KCNQ3: variants seen among roughly 807,000 people sequenced by gnomAD.
KCNQ3 encodes potassium voltage-gated channel subfamily Q member 3.
KCNQ3 carries 30 observed loss-of-function variants against 92.5 expected under a neutral mutation model. The ratio of observed to expected loss-of-function variants is 0.32; its 90% CI spans 0.24 to 0.44. KCNQ3 has a LOEUF of 0.44. KCNQ3 is among the 20% of genes least tolerant of loss of function. The pLI is 1.00. For missense variants in KCNQ3, 913 were observed against 1,140.3 expected, an observed-to-expected ratio of 0.80 and a Z score of 2.87; for synonymous variants, 450 against 468.8, an observed-to-expected ratio of 0.96 and a Z score of 0.52.
chr8:132,336,034 G>A (rs952737211), intron 1 of KCNQ3, among the ~76,000 whole-genome samples: 1 of 152,142 alleles, frequency 6.6e-6, no homozygotes, highest in Non-Finnish European at 1.5e-5. Flanking sequence ...AGTGTAGAAG[G>A]GAGCTGAGCT....
intron 10 of KCNQ3, 47 bp from the exon 11 acceptor site, chr8:132,140,225 A>G: frequency 7.0e-7 from 1 of 1,420,446 alleles, no homozygotes; most frequent in Non-Finnish European, 9.9e-7. Flanking sequence ...GACCTGGAAA[A>G]GGCTTGGGGA....
rs373494626 is a variant in KCNQ3 at position 132,283,801 on chromosome 8, A to G, written c.387-97620T>C. On this transcript the variant is annotated intron_variant, in intron 1 of 14. Coordinates refer to ENST00000388996, the MANE Select transcript of KCNQ3 (RefSeq NM_004519.4). ...AAAATAAAAGCTGGGAATTTCTGAC[A>G]TCATCTTTCATAAACTGGTTCCTGA... Among the ~76,000 whole-genome samples the G allele has an allele frequency of 5.3e-5, 8 of 152,276 alleles. No individual in the cohort carries two copies. In the East Asian group the frequency reaches 9.6e-4, roughly 18 times the overall value.
At chr8:132,319,901 A>C (rs1042572294) in intron 1 of KCNQ3, among the ~76,000 whole-genome samples, 3 of 152,226 alleles carry the variant, frequency 2.0e-5, no homozygotes, top group African/African-American at 7.2e-5. Context: ...ACCTCAATCT[A>C]ACCTTCTCAG....
chr8:132,421,058 G>A (rs2130810569), intron 1 of KCNQ3, among the ~76,000 whole-genome samples: 1 of 152,296 alleles, frequency 6.6e-6, no homozygotes, highest in East Asian at 1.9e-4. Context: ...AGGGGATGTG[G>A]GGCAGAGGTG....
intron 1 of KCNQ3, among the ~76,000 whole-genome samples, chr8:132,280,731 A>G (rs1308370444): frequency 6.6e-6 from 1 of 152,224 alleles, no homozygotes; most frequent in Non-Finnish European, 1.5e-5. Context: ...AGCATATTCC[A>G]GGCAGAGGGA....
chr8:132,419,501 G>A (rs1387950303), intron 1 of KCNQ3, among the ~76,000 whole-genome samples: 1 of 152,178 alleles, frequency 6.6e-6, no homozygotes, highest in Non-Finnish European at 1.5e-5. Flanking sequence ...CCTGAGACCA[G>A]ACAGAGCCTT....
At chr8:132,221,213 C>T (rs1814220140) in intron 1 of KCNQ3, among the ~76,000 whole-genome samples, 1 of 152,154 alleles carries the variant, frequency 6.6e-6, no homozygotes, top group Admixed American at 6.5e-5. Flanking sequence ...ATCCAGTCTA[C>T]CATTGATGGA....
intron 1 of KCNQ3, among the ~76,000 whole-genome samples, chr8:132,421,427 C>T (rs6990740): frequency 0.014 from 2,115 of 152,198 alleles, 38 homozygotes; most frequent in African/African-American, 0.049. Flanking sequence ...ACAGGTGACA[C>T]GAGGTGCTGG....
Position 132,354,843 on chromosome 8 carries a change from A to G in KCNQ3, c.386+125304T>C, listed in dbSNP as rs148559698. Reference sequence around the variant, plus strand: ...TTGTGGAGTCAGTGGGGCACCCCCAATAATCCCTGGTAGCCTCTGCTCTTT... The same window carrying G: ...TTGTGGAGTCAGTGGGGCACCCCCAGTAATCCCTGGTAGCCTCTGCTCTTT... On this transcript the variant is annotated intron_variant, in intron 1 of 14. Transcript: ENST00000388996. Among the ~76,000 whole-genome samples, 43 of 152,326 alleles carry G rather than the reference A, an allele frequency of 2.8e-4. 1 individual carries two copies. The highest frequency in any genetic ancestry group is 3.4e-3 in the Middle Eastern group (1 of 294).
intron 9 of KCNQ3, among the ~76,000 whole-genome samples, chr8:132,144,911 T>C (rs1780763556): frequency 6.6e-6 from 1 of 152,194 alleles, no homozygotes; most frequent in African/African-American, 2.4e-5. Context: ...GCTTTTCTCA[T>C]CCATGGCACT....
chr8:132,309,877 C>T (rs1817539719), intron 1 of KCNQ3, among the ~76,000 whole-genome samples: 1 of 152,212 alleles, frequency 6.6e-6, no homozygotes, highest in African/African-American at 2.4e-5. Context: ...TTGAGACTTT[C>T]CCAAATGTCA....
At chr8:132,196,944 A>C (rs574856517) in intron 1 of KCNQ3, among the ~76,000 whole-genome samples, 2 of 152,324 alleles carry the variant, frequency 1.3e-5, no homozygotes, top group Admixed American at 1.3e-4. Flanking sequence ...GATATGTCTT[A>C]ACTATTGCAA....
chr8:132,311,024 T>A (rs564914209), intron 1 of KCNQ3, among the ~76,000 whole-genome samples: 14 of 151,150 alleles, frequency 9.3e-5, no homozygotes, highest in African/African-American at 3.4e-4. Flanking sequence ...CACTGCAACC[T>A]CTCCTGGGTT....
chr8:132,229,884 A>T (rs1048597310), intron 1 of KCNQ3, among the ~76,000 whole-genome samples: 4 of 152,200 alleles, frequency 2.6e-5, no homozygotes, highest in African/African-American at 9.6e-5. Context: ...AACTCCTATC[A>T]GGAGACGTGG....
intron 1 of KCNQ3, among the ~76,000 whole-genome samples, chr8:132,339,311 TATTC>T (rs1818453621): frequency 1.3e-5 from 2 of 152,216 alleles, no homozygotes. Flanking sequence ...GTTACTCATT[TATTC>T]ATTCATTCCA....
intron 1 of KCNQ3, among the ~76,000 whole-genome samples, chr8:132,289,517 T>C (rs1816781498): frequency 6.6e-6 from 1 of 152,192 alleles, no homozygotes; most frequent in Admixed American, 6.5e-5. Flanking sequence ...TGTTTTCTCA[T>C]TGCCTTTTTC....
chr8:132,172,036 A>C (rs983422856), intron 7 of KCNQ3, among the ~76,000 whole-genome samples: 2 of 151,988 alleles, frequency 1.3e-5, no homozygotes, highest in Admixed American at 1.3e-4. Context: ...AGTGGTGTAC[A>C]TGGTGGTACG....
At chr8:132,468,294 G>A (rs1010620843) in intron 1 of KCNQ3, among the ~76,000 whole-genome samples, 11 of 152,172 alleles carry the variant, frequency 7.2e-5, no homozygotes, top group Admixed American at 2.0e-4. Flanking sequence ...TGGGCTAAGC[G>A]ATTTTCCATT....
At chr8:132,172,019 C>A (rs566889913) in intron 7 of KCNQ3, among the ~76,000 whole-genome samples, 53 of 151,660 alleles carry the variant, frequency 3.5e-4, no homozygotes, top group Non-Finnish European at 7.1e-4. Context: ...AAAAATTAAC[C>A]AGGTCTAGTG....
Sources: allele counts gnomAD v4.1 joint callset (sites outside exome capture counted in the v4.1 genomes callset), GRCh38; gene constraint gnomAD v4.1.1; transcripts MANE v1.5; gene names NCBI Gene and HGNC (gene_info 2026-07-23, HGNC 2026-07-21).